The following OAS1 variants were observed in gnomAD, a reference collection of about 807,000 sequenced individuals.
OAS1 encodes the protein 2'-5'-oligoadenylate synthetase 1.
Under a neutral mutation model 38.5 loss-of-function variants are expected in OAS1, and 24 were observed. The ratio of observed to expected loss-of-function variants is 0.62; its 90% confidence interval spans 0.45 to 0.88. The LOEUF is 0.88. Ranked by LOEUF, OAS1 falls within the 40% of genes least tolerant of loss-of-function variation. The probability of loss-of-function intolerance (pLI) is 0.00; values close to 1 mark genes in which losing one functional copy is unlikely to be tolerated. For synonymous variants in OAS1, 169 were observed against 193.9 expected, an observed-to-expected ratio of 0.87 and a Z score of 1.07; for missense variants, 482 against 493.9, an observed-to-expected ratio of 0.98 and a Z score of 0.23.
chr12:112,925,712 C>A (rs916223593), intron 6 of OAS1, among the ~76,000 whole-genome samples: 1 of 152,096 alleles, frequency 6.6e-6, no homozygotes, highest in Non-Finnish European at 1.5e-5. Context: ...CTTGAGCCCA[C>A]GAAGTCAAGG....
exon 7 of OAS1, chr12:112,932,061 C>A (rs2043600618): frequency 3.2e-6 from 2 of 621,446 alleles, no homozygotes; most frequent in East Asian, 2.9e-5. Context: ...TGCAACCCAA[C>A]CTCTCTCTCT....
rs985482632 is a variant in OAS1 at position 112,907,276 on chromosome 12, T to C, written c.180+57T>C. On this transcript the variant is annotated intron_variant, in intron 1 of 5. Transcript: ENST00000202917. ...GTGGCTGAATGTGCAAGAGTTGAGA[T>C]TGAGAATGAGAGAGAGAGAGAGAGA... 7.0e-6 allele frequency: 11 copies of C among 1,565,272 alleles called. No homozygotes were observed. The Admixed American group carries it at 8.5e-5, about 12-fold the overall frequency.
At chr12:112,909,411 C>T (rs1475820482) in intron 2 of OAS1, among the ~76,000 whole-genome samples, 1 of 152,126 alleles carries the variant, frequency 6.6e-6, no homozygotes, top group Non-Finnish European at 1.5e-5. Context: ...GTAATTCCAA[C>T]ACTTTTGGAG....
intron 6 of OAS1, among the ~76,000 whole-genome samples, chr12:112,927,826 G>A (rs570168375): frequency 6.6e-6 from 1 of 152,274 alleles, no homozygotes; most frequent in African/African-American, 2.4e-5. Context: ...ACAGTTCACA[G>A]CAACCATCTA....
At position 112,919,863 on chromosome 12, in the gene OAS1, C is replaced by G; in HGVS notation, c.*310C>G. The G allele has an allele frequency of 1.2e-6, 1 of 829,834 alleles. No individual in the cohort carries two copies. The highest frequency in any genetic ancestry group is 2.0e-5 in the South Asian group (1 of 51,094). The allele number at this position is 829,834 out of a possible 1,614,324, so 51.4% of individuals were successfully genotyped here. ...TGTGCACCTGATGGGAGGGTAATGT[C>G]TAATGTATTATCAATAACAATAAAA... On this transcript the variant is annotated 3_prime_UTR_variant, in exon 6 of 6. Coordinates refer to ENST00000202917, the MANE Select transcript of OAS1 (RefSeq NM_016816.4).
At chr12:112,917,426 C>A in intron 4 of OAS1, 121 bp from the exon 5 acceptor site, 1 of 1,354,734 alleles carries the variant, frequency 7.4e-7, no homozygotes. Flanking sequence ...CCAGGGAGCC[C>A]TTCCTCATGT....
rs1269988767 is a variant in OAS1 at position 112,919,493 on chromosome 12, C to T, written c.1143C>T (p.Ser381=). 2 of 1,614,094 alleles carry T rather than the reference C, an allele frequency of 1.2e-6. No homozygotes were observed. Among genetic ancestry groups the T allele is most frequent in the South Asian group, 1.1e-5 (1 of 91,088 alleles). ...HEYPHFSHRP[S]TLQAASTPQA... is the part of the protein sequence containing the mutation. ...ACCCTCATTTCTCTCATAGACCCAG[C>T]ACACTCCAGGCAGCATCCACCCCAC... Residue 381 remains serine (S), a synonymous_variant, in exon 6 of 6, where the codon AGC becomes AGT. Coordinates refer to ENST00000202917, the MANE Select transcript of OAS1 (RefSeq NM_016816.4).
At chr12:112,933,102 A>G (rs2043607710), downstream of OAS1, 1 of 152,216 alleles carries the variant, frequency 6.6e-6, no homozygotes. Context: ...GGAAGAACAC[A>G]CTGTCTTACT....
Position 112,919,348 on chromosome 12 carries a change from A to G in OAS1, c.1039-41A>G, listed in dbSNP as rs756060445. 6 of 1,555,308 alleles carry G rather than the reference A, an allele frequency of 3.9e-6. No individual in the cohort carries two copies. The African/African-American group carries it at 8.1e-5, about 21-fold the overall frequency. ...TGCTCACTGAATCCAGCTGCAATGC[A>G]GGAAGACTCCCTGATGTGATCATGT... On this transcript the variant is annotated intron_variant, in intron 5 of 5. Transcript: ENST00000202917.
intron 6 of OAS1, among the ~76,000 whole-genome samples, chr12:112,931,169 T>C (rs1283164392): frequency 6.6e-6 from 1 of 152,224 alleles, no homozygotes; most frequent in Admixed American, 6.5e-5. Flanking sequence ...ATTCCACTAA[T>C]AGGCATAACC....
At chr12:112,911,719 T>C (rs571895637) in intron 3 of OAS1, among the ~76,000 whole-genome samples, 1 of 152,350 alleles carries the variant, frequency 6.6e-6, no homozygotes, top group East Asian at 1.9e-4. Flanking sequence ...TCTGCTTTCT[T>C]ATCTGCAACG....
In OAS1 at chr12:112,931,828, G is replaced by T. The variant is rs545392680; in HGVS notation, c.1168-50G>T. ...TTTTCTCACTGATGCTCTCTGGGCA[G>T]ACAGGCTCCTCAATATGAGAGTGAC... On this transcript the variant is annotated intron_variant, in intron 6 of 6. Transcript: ENST00000540589. 21 of 679,866 alleles carry T rather than the reference G, an allele frequency of 3.1e-5. No homozygotes were observed. In the African/African-American group the frequency reaches 3.6e-4, roughly 12 times the overall value. The allele number at this position is 679,866 out of a possible 1,614,324, so 42.1% of individuals were successfully genotyped here.
At chr12:112,908,925 A>G (rs1328973002) in intron 2 of OAS1, 101 bp downstream of exon 2, 3 of 1,277,208 alleles carry the variant, frequency 2.3e-6, no homozygotes, top group Admixed American at 4.7e-5. Flanking sequence ...TCTCTAAAGC[A>G]GGGTGGGAGG....
chr12:112,909,974 A>G (rs942852498), intron 2 of OAS1, among the ~76,000 whole-genome samples: 1 of 152,176 alleles, frequency 6.6e-6, no homozygotes, highest in Non-Finnish European at 1.5e-5. Flanking sequence ...GAAAAAAAAA[A>G]TGCTGACTCT....
intron 4 of OAS1, 59 bp downstream of exon 4, chr12:112,916,797 C>A: frequency 1.6e-6 from 2 of 1,284,436 alleles, no homozygotes; most frequent in South Asian, 1.2e-5. Flanking sequence ...GATACAGGTA[C>A]AGTGCCTTGG....
intron 5 of OAS1, chr12:112,918,653 T>C (rs1290852546): frequency 4.4e-6 from 2 of 455,676 alleles, no homozygotes; most frequent in African/African-American, 4.0e-5. Context: ...AGCTAACAAG[T>C]GGTGGAAATG....
At chr12:112,910,135 A>C (rs1009487049) in intron 2 of OAS1, among the ~76,000 whole-genome samples, 3 of 152,184 alleles carry the variant, frequency 2.0e-5, no homozygotes, top group Admixed American at 6.5e-5. Context: ...TGGGAGGCCA[A>C]AGTGGGGGGA....
chr12:112,930,929 G>A (rs3803057), intron 6 of OAS1, among the ~76,000 whole-genome samples: 9,915 of 152,168 alleles, frequency 0.065, 541 homozygotes, highest in East Asian at 0.31. Flanking sequence ...TGGTTAGCTG[G>A]CTGCTGATCA....
intron 1 of OAS1, 69 bp from the exon 2 acceptor site, chr12:112,908,467 C>G: frequency 6.8e-7 from 1 of 1,461,866 alleles, no homozygotes; most frequent in East Asian, 2.3e-5. Flanking sequence ...TTAGTGATTG[C>G]TCCTGTCATT....
Sources: allele counts gnomAD v4.1 joint callset (sites outside exome capture counted in the v4.1 genomes callset), GRCh38; gene constraint gnomAD v4.1.1; transcripts MANE v1.5; gene names NCBI Gene and HGNC (gene_info 2026-07-23, HGNC 2026-07-21).